GRB10: variants seen among roughly 807,000 people sequenced by gnomAD.
The protein encoded by GRB10 is growth factor receptor bound protein 10, also known as growth factor receptor-bound protein 10.
In GRB10, 20 loss-of-function variants were observed where a neutral mutation model predicts 80.9. The observed-to-expected ratio is 0.25, with a 90% CI of 0.17 to 0.36. The LOEUF (loss-of-function observed/expected upper bound fraction) is 0.36, where lower values mean the gene tolerates loss of function less well. GRB10 is among the 10% of genes least tolerant of loss of function. GRB10 has a pLI of 1.00. For missense variants in GRB10, 548 were observed against 747.7 expected (o/e 0.73, Z 3.12); for synonymous variants, 291 against 291.5 (o/e 1.00, Z 0.02).
chr7:50,634,936 T>C (rs1198555315), intron 7 of GRB10, among the ~76,000 whole-genome samples: 1 of 152,190 alleles, frequency 6.6e-6, no homozygotes, highest in Non-Finnish European at 1.5e-5. Context: ...AATACCATAA[T>C]AGTGGGGGGC....
chr7:50,734,470 ACGC>A (rs2070447531), intron 3 of GRB10, among the ~76,000 whole-genome samples: 3 of 151,480 alleles, frequency 2.0e-5, no homozygotes, highest in Non-Finnish European at 4.4e-5. Flanking sequence ...CCCCCCACGC[ACGC>A]CGCACGCCTC....
At chr7:50,629,869 A>T (rs1335669043) in intron 7 of GRB10, among the ~76,000 whole-genome samples, 2 of 152,218 alleles carry the variant, frequency 1.3e-5, no homozygotes, top group Non-Finnish European at 2.9e-5. Flanking sequence ...CCAGTGTTCA[A>T]GCATCTCACA....
At chr7:50,749,122 GTTT>G (rs1236140828) in intron 3 of GRB10, among the ~76,000 whole-genome samples, 6 of 73,586 alleles carry the variant, frequency 8.2e-5, no homozygotes, top group African/African-American at 1.3e-4. Flanking sequence ...GTTTTGTTTT[GTTT>G]TTTTGTTTGT....
At chr7:50,749,838 T>C (rs1178374681) in intron 3 of GRB10, among the ~76,000 whole-genome samples, 1 of 152,248 alleles carries the variant, frequency 6.6e-6, no homozygotes, top group Non-Finnish European at 1.5e-5. Context: ...ACAGCTCTAT[T>C]ACTTCTGAAA....
intron 2 of GRB10, among the ~76,000 whole-genome samples, chr7:50,776,647 T>C (rs1283432346): frequency 6.6e-6 from 1 of 152,224 alleles, no homozygotes; most frequent in Non-Finnish European, 1.5e-5. Flanking sequence ...CCAAATATCC[T>C]AGGTTGTCAC....
intron 8 of GRB10, among the ~76,000 whole-genome samples, chr7:50,624,472 A>G (rs989594908): frequency 6.6e-6 from 1 of 152,268 alleles, no homozygotes; most frequent in African/African-American, 2.4e-5. Flanking sequence ...CATGGCAGAA[A>G]TAAGATTTTT....
chr7:50,646,056 T>C (rs982015138), intron 7 of GRB10, among the ~76,000 whole-genome samples: 47 of 152,192 alleles, frequency 3.1e-4, no homozygotes, highest in Admixed American at 1.3e-4. Context: ...AACCTATCCA[T>C]CTGTCTATCC....
At chr7:50,718,479 G>A (rs2067220576) in intron 4 of GRB10, among the ~76,000 whole-genome samples, 4 of 151,882 alleles carry the variant, frequency 2.6e-5, no homozygotes, top group Admixed American at 2.0e-4. Context: ...CGGCGCCCTC[G>A]GCTCAGGCTG....
chr7:50,730,572 T>C (rs886402854), intron 4 of GRB10, among the ~76,000 whole-genome samples: 6 of 152,198 alleles, frequency 3.9e-5, no homozygotes, highest in Non-Finnish European at 7.3e-5. Context: ...GACAGTGCTT[T>C]CAAATGGCCC....
chr7:50,714,681 C>A (rs1187746050), intron 4 of GRB10, among the ~76,000 whole-genome samples: 5 of 150,526 alleles, frequency 3.3e-5, no homozygotes, highest in African/African-American at 9.7e-5. Flanking sequence ...AAACAAAAAA[C>A]GGAGTGCAAT....
At position 50,749,134 on chromosome 7, in the gene GRB10, G is replaced by GTTTTTTTTTTTTTTTTTTTTTTTTTT. The variant is rs11405172; in HGVS notation, c.-47+6752_-47+6753insAAAAAAAAAAAAAAAAAAAAAAAAAA. Among the ~76,000 whole-genome samples the GTTTTTTTTTTTTTTTTTTTTTTTTTT allele has an allele frequency of 1.2e-4, 16 of 137,924 alleles. 1 individual carries two copies. Among genetic ancestry groups the GTTTTTTTTTTTTTTTTTTTTTTTTTT allele is most frequent in the Non-Finnish European group, 2.2e-4 (14 of 64,740 alleles). The allele number at this position is 137,924 out of a possible 152,430, so 90.5% of individuals were successfully genotyped here. On this transcript the variant is annotated intron_variant, in intron 3 of 18. Transcript: ENST00000401949. ...TTTGTTTTGTTTTGTTTTTTTGTTT[G>GTTTTTTTTTTTTTTTTTTTTTTTTTT]TTTTTTTTTTTTGAGATGGAGTCTC...
intron 13 of GRB10, among the ~76,000 whole-genome samples, chr7:50,611,809 G>A (rs1215858127): frequency 6.6e-6 from 1 of 152,192 alleles, no homozygotes; most frequent in Non-Finnish European, 1.5e-5. Context: ...GTTCAACGAA[G>A]GCTGGGAGTT....
intron 2 of GRB10, among the ~76,000 whole-genome samples, chr7:50,765,801 G>C (rs1562657125): frequency 6.6e-6 from 1 of 152,106 alleles, no homozygotes; most frequent in Non-Finnish European, 1.5e-5. Flanking sequence ...ATAATCTATT[G>C]TACACTTCAA....
chr7:50,597,285 G>T (rs1160836187), intron 17 of GRB10, among the ~76,000 whole-genome samples: 1 of 152,184 alleles, frequency 6.6e-6, no homozygotes, highest in Non-Finnish European at 1.5e-5. Context: ...GATCAGAATG[G>T]GATTCCATGG....
At chr7:50,700,087 C>T (rs547309622) in intron 5 of GRB10, among the ~76,000 whole-genome samples, 34 of 150,748 alleles carry the variant, frequency 2.3e-4, no homozygotes, top group African/African-American at 7.3e-4. Flanking sequence ...TGCAGTGAGC[C>T]GAGATCTCAC....
chr7:50,671,269 A>AC (rs1014701349), intron 6 of GRB10, among the ~76,000 whole-genome samples: 3 of 151,436 alleles, frequency 2.0e-5, no homozygotes, highest in Admixed American at 6.6e-5. Context: ...TACCTCAGAA[A>AC]CCCCCATCAT....
chr7:50,698,171 T>G (rs1295568548), intron 5 of GRB10, among the ~76,000 whole-genome samples: 2 of 152,166 alleles, frequency 1.3e-5, no homozygotes, highest in Non-Finnish European at 2.9e-5. Context: ...TTTATAGGAT[T>G]TTTTTTACAT....
chr7:50,700,343 G>A (rs12113777), intron 5 of GRB10, among the ~76,000 whole-genome samples: 6,418 of 151,090 alleles, frequency 0.042, 460 homozygotes, highest in African/African-American at 0.15. Context: ...CCATTTTTTC[G>A]TTCACAGTTT....
At chr7:50,742,199 G>A (rs2071883158) in intron 3 of GRB10, among the ~76,000 whole-genome samples, 1 of 152,090 alleles carries the variant, frequency 6.6e-6, no homozygotes. Context: ...TGAAGCACCT[G>A]TTAATAACAG....
Sources: gnomAD v4.1 joint callset for allele counts (sites outside exome capture counted in the v4.1 genomes callset) on GRCh38, gnomAD v4.1.1 for gene constraint, MANE v1.5 for transcripts, NCBI Gene and HGNC (gene_info 2026-07-23, HGNC 2026-07-21) for gene names.